CD300LF: variants seen among roughly 807,000 people sequenced by gnomAD.
The protein encoded by CD300LF is CMRF35-like molecule 1.
In CD300LF, 27 loss-of-function variants were observed where a neutral mutation model predicts 32.2. The observed-to-expected ratio is 0.84, with a 90% CI of 0.62 to 1.15. The LOEUF is 1.15. CD300LF is among the 50% of genes most tolerant of loss of function. The probability of loss-of-function intolerance (pLI) is 0.00; values close to 1 mark genes in which losing one functional copy is unlikely to be tolerated. For synonymous variants in CD300LF, 139 were observed against 143.2 expected, an observed-to-expected ratio of 0.97 and a Z score of 0.21; for missense variants, 348 against 356.8, an observed-to-expected ratio of 0.98 and a Z score of 0.20.
At chr17:74,709,796 C>T (rs983326630) in intron 1 of CD300LF, among the ~76,000 whole-genome samples, 1 of 151,974 alleles carries the variant, frequency 6.6e-6, no homozygotes, top group African/African-American at 2.4e-5. Flanking sequence ...TGGTCTCAAA[C>T]TCCTGGACTC....
intron 4 of CD300LF, among the ~76,000 whole-genome samples, chr17:74,696,717 T>A (rs1471730822): frequency 6.6e-6 from 1 of 152,200 alleles, no homozygotes; most frequent in Non-Finnish European, 1.5e-5. Context: ...TTCTAGTTAG[T>A]CCTCAGGTGG....
chr17:74,697,832 A>G (rs2032643727), intron 4 of CD300LF, among the ~76,000 whole-genome samples: 2 of 152,180 alleles, frequency 1.3e-5, no homozygotes, highest in Non-Finnish European at 2.9e-5. Flanking sequence ...CAATTTCCTG[A>G]TCAGACTTGG....
chr17:74,712,305 TC>T (rs2034021936), intron 1 of CD300LF, among the ~76,000 whole-genome samples: 1 of 152,118 alleles, frequency 6.6e-6, no homozygotes, highest in African/African-American at 2.4e-5. Flanking sequence ...TCCCTGCCAG[TC>T]TTATCTCCTC....
intron 2 of CD300LF, among the ~76,000 whole-genome samples, chr17:74,703,736 T>G (rs1328598687): frequency 6.6e-6 from 1 of 152,156 alleles, no homozygotes; most frequent in African/African-American, 2.4e-5. Flanking sequence ...CCCCAAGGAC[T>G]GTGGTGCTCC....
Position 74,695,069 on chromosome 17 carries a change from G to C in CD300LF, c.*27C>G. On this transcript the variant is annotated 3_prime_UTR_variant, in exon 7 of 7. Coordinates refer to ENST00000326165, the MANE Select transcript of CD300LF (RefSeq NM_139018.5). ...AGGCAGGAGTGTGCTCACAGCCTGGGGTCCAAGAAGGAGCCTGGAGTGCAG... is the reference window on the plus strand; with the variant it reads ...AGGCAGGAGTGTGCTCACAGCCTGGCGTCCAAGAAGGAGCCTGGAGTGCAG... 6.2e-7 allele frequency: 1 copy of C among 1,603,478 alleles called. No individual in the cohort carries two copies. Among genetic ancestry groups the C allele is most frequent in the South Asian group, 1.1e-5 (1 of 90,218 alleles).
At chr17:74,702,096 G>A (rs78064575) in intron 3 of CD300LF, among the ~76,000 whole-genome samples, 8,850 of 152,040 alleles carry the variant, frequency 0.058, 378 homozygotes, top group Non-Finnish European at 0.085. Flanking sequence ...GGGAGTAGAA[G>A]GGTCTCAGGT....
rs77808125 is a variant in CD300LF, at chr17:74,699,596, C to T, written c.447-1115G>A. On this transcript the variant is annotated intron_variant, in intron 3 of 6. Transcript: ENST00000326165. ...GACCGGGAACACAAAGGATCGCAGG[C>T]GCCCACCAGCAGCTGGAACAGAGGC... Among the ~76,000 whole-genome samples, 99 of 152,224 alleles carry T rather than the reference C, an allele frequency of 6.5e-4. 2 individuals carry two copies. The East Asian group carries it at 0.018, about 28-fold the overall frequency.
Position 74,704,467 on chromosome 17 carries a change from C to T in CD300LF, c.382+11G>A, listed in dbSNP as rs916422961. 1.9e-6 allele frequency: 3 copies of T among 1,593,022 alleles called. No individual in the cohort carries two copies. Among genetic ancestry groups the T allele is most frequent in the African/African-American group, 2.7e-5 (2 of 74,580 alleles). ...CCTGAGAGACACACACATATATACA[C>T]TCCCTCTTACCTGGGTCAATGGTCA... On this transcript the variant is annotated intron_variant, in intron 2 of 6. Transcript: ENST00000326165.
chr17:74,703,171 A>T lies in CD300LF; in HGVS notation c.383-73T>A, dbSNP rs2033218881. On this transcript the variant is annotated intron_variant, in intron 2 of 6. Coordinates refer to ENST00000326165, the MANE Select transcript of CD300LF (RefSeq NM_139018.5). ...GTAGTTGATGCTTGGTGTATAAACC[A>T]GATCACAGATGCCCCTGCCCATGAG... is the stretch of plus-strand genomic sequence containing the variant. 2.5e-6 allele frequency: 4 copies of T among 1,585,264 alleles called. No individual in the cohort carries two copies. In the East Asian group the frequency reaches 9.0e-5, roughly 35 times the overall value.
chr17:74,697,780 A>G (rs1300440354), intron 4 of CD300LF, among the ~76,000 whole-genome samples: 1 of 152,206 alleles, frequency 6.6e-6, no homozygotes, highest in Non-Finnish European at 1.5e-5. Context: ...TCAGCCTGGG[A>G]AAGTCCAGTG....
chr17:74,707,383 A>G (rs945803271), intron 1 of CD300LF, among the ~76,000 whole-genome samples: 4 of 152,218 alleles, frequency 2.6e-5, no homozygotes, highest in African/African-American at 9.7e-5. Context: ...TCTATTTTTA[A>G]ATGCTCAACA....
chr17:74,711,433 C>T lies in CD300LF; in HGVS notation c.43+1391G>A, dbSNP rs542542022. The stretch of plus-strand genomic sequence containing the variant: ...TTCATAACATCTCACCCAAAGTCTG[C>T]CTTCTCCACTTACATGCTGAAACTC... On this transcript the variant is annotated intron_variant, in intron 1 of 6. Coordinates refer to ENST00000326165, the MANE Select transcript of CD300LF (RefSeq NM_139018.5). Among the ~76,000 whole-genome samples, 22 of 152,342 alleles carry T rather than the reference C, an allele frequency of 1.4e-4. 1 individual carries two copies. In the South Asian group the frequency reaches 4.6e-3, roughly 32 times the overall value.
intron 1 of CD300LF, among the ~76,000 whole-genome samples, chr17:74,705,986 C>T (rs1018433916): frequency 1.3e-5 from 2 of 152,096 alleles, no homozygotes; most frequent in Admixed American, 6.6e-5. Context: ...AGTGAATTAA[C>T]GCAGAAACAG....
At chr17:74,704,242 G>A (rs1207041095) in intron 2 of CD300LF, 1 of 529,708 alleles carries the variant, frequency 1.9e-6, no homozygotes, top group Admixed American at 3.3e-5. Context: ...GAGCTGTGCA[G>A]AGGTAAAAAA....
intron 1 of CD300LF, among the ~76,000 whole-genome samples, chr17:74,707,873 T>C (rs1235690653): frequency 1.3e-5 from 2 of 151,484 alleles, no homozygotes; most frequent in Non-Finnish European, 2.9e-5. Flanking sequence ...ATAAACAAAT[T>C]CCTAGAAAAA....
At chr17:74,699,243 G>A (rs760825727) in intron 3 of CD300LF, among the ~76,000 whole-genome samples, 6 of 152,162 alleles carry the variant, frequency 3.9e-5, no homozygotes, top group African/African-American at 1.4e-4. Context: ...TTTAAAAGGA[G>A]AAAAGGGTTC....
chr17:74,698,150 C>T (rs1370778043), intron 4 of CD300LF, among the ~76,000 whole-genome samples: 1 of 152,196 alleles, frequency 6.6e-6, no homozygotes, highest in Non-Finnish European at 1.5e-5. Context: ...AGGGGAAGGA[C>T]GGAGGTGCAG....
intron 1 of CD300LF, among the ~76,000 whole-genome samples, chr17:74,711,512 C>A (rs1331695847): frequency 6.6e-6 from 1 of 152,224 alleles, no homozygotes; most frequent in East Asian, 1.9e-4. Flanking sequence ...GCCTAGCAGT[C>A]CTGGACAAGT....
chr17:74,705,325 G>T lies in CD300LF; in HGVS notation c.44-509C>A, dbSNP rs1206960089. 15 of 680,424 alleles carry T rather than the reference G, an allele frequency of 2.2e-5. No homozygotes were observed. The Admixed American group carries it at 3.0e-4, about 14-fold the overall frequency. 42.1% of individuals were successfully genotyped at this position (680,424 alleles called of 1,614,324 possible). On this transcript the variant is annotated intron_variant, in intron 1 of 6. Transcript: ENST00000326165. ...AGTGGTTCTGGAATAAACCACCCTGGATGAATGCCTTTGAAGTTGATCAAA... is the reference window on the plus strand; with the variant it reads ...AGTGGTTCTGGAATAAACCACCCTGTATGAATGCCTTTGAAGTTGATCAAA...
Sources: allele counts gnomAD v4.1 joint callset (sites outside exome capture counted in the v4.1 genomes callset), GRCh38; gene constraint gnomAD v4.1.1; transcripts MANE v1.5; gene names NCBI Gene and HGNC (gene_info 2026-07-23, HGNC 2026-07-21).